C6: variants seen among roughly 807,000 people sequenced by gnomAD.
C6 encodes the protein complement C6.
A neutral mutation model predicts 112.9 loss-of-function variants in C6; 101 were observed. The ratio of observed to expected loss-of-function variants is 0.89; its 90% CI spans 0.76 to 1.06. The LOEUF (loss-of-function observed/expected upper bound fraction) is 1.06. Among genes scored for constraint, C6 ranks in the 50% least tolerant of loss-of-function variants. The pLI is 0.00. For missense variants in C6, 1,202 were observed against 1,104.6 expected (o/e 1.09, Z -1.25); for synonymous variants, 431 against 384.1 (o/e 1.12, Z -1.43).
At chr5:41,201,254 C>T (rs957952843) in intron 3 of C6, among the ~76,000 whole-genome samples, 2 of 152,078 alleles carry the variant, frequency 1.3e-5, no homozygotes, top group South Asian at 2.1e-4. Context: ...ATTACTCAAT[C>T]TGTATACACT....
rs765693862 is a variant in C6 at position 41,186,136 on chromosome 5, A to G, written c.660T>C (p.Thr220=). The G allele has an allele frequency of 1.2e-5, 20 of 1,613,888 alleles. No homozygotes were observed. The highest frequency in any genetic ancestry group is 1.4e-5 in the Non-Finnish European group (17 of 1,179,946). ...GATTACTTGTCCTACTGCTTTTGAC[A>G]GTTTTACATATTCCTCCAGTGAAAG... is the stretch of plus-strand genomic sequence containing the variant. The part of the protein sequence containing the change: ...DNSFTGGICK[T]VKSSRTSNPY... Residue 220 remains threonine (T), a synonymous_variant, in exon 6 of 18, where the codon ACT becomes ACC. Coordinates refer to ENST00000337836, the MANE Select transcript of C6 (RefSeq NM_000065.5).
At chr5:41,232,871 A>G (rs1292376119) in intron 1 of C6, among the ~76,000 whole-genome samples, 2 of 151,786 alleles carry the variant, frequency 1.3e-5, no homozygotes, top group African/African-American at 4.8e-5. Context: ...TAGCATTTAT[A>G]TCTCTCATTA....
chr5:41,195,285 A>G (rs538682301), intron 5 of C6, among the ~76,000 whole-genome samples: 2 of 151,786 alleles, frequency 1.3e-5, no homozygotes, highest in Admixed American at 1.3e-4. Context: ...TTTATCGCTC[A>G]TTATTTGACT....
chr5:41,196,011 C>G (rs76997076), intron 4 of C6, 78 bp from the exon 5 acceptor site: 1 of 1,533,150 alleles, frequency 6.5e-7, no homozygotes, highest in Non-Finnish European at 8.9e-7. Context: ...AACTCAAATG[C>G]TTTAAATTTC....
chr5:41,156,676 G>T (rs904440654), intron 13 of C6, among the ~76,000 whole-genome samples: 4 of 152,144 alleles, frequency 2.6e-5, no homozygotes, highest in Non-Finnish European at 1.5e-5. Context: ...TCTCCTAGAA[G>T]ATTCTTAATT....
rs757845909 is a variant in C6 at position 41,149,421 on chromosome 5, C to T, written c.2443G>A (p.Ala815Thr). 41 of 1,613,970 alleles carry T rather than the reference C, an allele frequency of 2.5e-5. No individual in the cohort carries two copies. The highest frequency in any genetic ancestry group is 1.3e-4 in the East Asian group (6 of 44,868). The change falls in exon 17 of 18, where the codon GCT (alanine) becomes ACT (threonine). Residue 815 changes from alanine to threonine, a missense_variant. By Grantham distance (58) the Ala-to-Thr change is moderately conservative. Transcript: ENST00000337836. Reference protein sequence around the residue: ...TDSNDYFTSPACKFLAEKCLN... With the variant: ...TDSNDYFTSPTCKFLAEKCLN... ...CATTTCTCAGCCAAAAACTTACAAG[C>T]GGGTGAAGTAAAGTAATCGTTGGAG...
upstream of C6, among the ~76,000 whole-genome samples, chr5:41,214,040 C>T (rs183176763): frequency 9.2e-5 from 14 of 152,126 alleles, no homozygotes; most frequent in Admixed American, 5.9e-4. Context: ...ATGATGATTA[C>T]GCTTCTCTGA....
At chr5:41,250,514 C>T (rs981683101) in intron 1 of C6, among the ~76,000 whole-genome samples, 2 of 152,144 alleles carry the variant, frequency 1.3e-5, no homozygotes, top group South Asian at 4.1e-4. Context: ...CATGTTGGGC[C>T]TAGTCAATGG....
intron 10 of C6, 54 bp downstream of exon 10, chr5:41,161,639 G>A (rs1368159900): frequency 1.3e-5 from 18 of 1,378,878 alleles, no homozygotes; most frequent in Non-Finnish European, 1.9e-5. Context: ...TGTGCAATTT[G>A]GGCTGCTAGA....
intron 1 of C6, among the ~76,000 whole-genome samples, chr5:41,223,183 G>T (rs913098508): frequency 1.3e-5 from 2 of 152,140 alleles, no homozygotes; most frequent in Non-Finnish European, 2.9e-5. Flanking sequence ...AGATTAACAG[G>T]TATTGTTACC....
chr5:41,163,505 G>A (rs536409633), intron 9 of C6, among the ~76,000 whole-genome samples: 44 of 152,044 alleles, frequency 2.9e-4, no homozygotes, highest in African/African-American at 9.6e-4. Context: ...TAGAGACAGG[G>A]TTTCACCACG....
At chr5:41,172,936 C>T (rs893009960) in intron 8 of C6, among the ~76,000 whole-genome samples, 4 of 152,170 alleles carry the variant, frequency 2.6e-5, no homozygotes, top group Non-Finnish European at 5.9e-5. Flanking sequence ...TTCACCTGCT[C>T]ACTCAGCCCC....
chr5:41,230,372 C>A lies in C6; in HGVS notation c.-20-27122G>T, dbSNP rs7715248. Among the ~76,000 whole-genome samples, 581 of 152,038 alleles carry A rather than the reference C, an allele frequency of 3.8e-3. 2 individuals are homozygous for A. The highest frequency in any genetic ancestry group is 0.012 in the African/African-American group (500 of 41,470). Reference sequence around the variant, plus strand: ...CAGCAAGGAATATTAATAATTAATACCCTGGGGAAGGATTGCATTCCTGGG... The same window carrying A: ...CAGCAAGGAATATTAATAATTAATAACCTGGGGAAGGATTGCATTCCTGGG... On this transcript the variant is annotated intron_variant, in intron 1 of 17. Transcript: ENST00000263413.
At chr5:41,200,853 T>A (rs1227909897) in intron 3 of C6, among the ~76,000 whole-genome samples, 1 of 149,768 alleles carries the variant, frequency 6.7e-6, no homozygotes, top group African/African-American at 2.5e-5. Flanking sequence ...TTTAAAATCT[T>A]GGACTGAAAC....
intron 9 of C6, among the ~76,000 whole-genome samples, chr5:41,168,230 A>G (rs1385583143): frequency 6.6e-6 from 1 of 152,178 alleles, no homozygotes; most frequent in Non-Finnish European, 1.5e-5. Context: ...CAGGAGATGA[A>G]AAATGGATTT....
At chr5:41,206,497 C>T (rs1187327317) in intron 1 of C6, among the ~76,000 whole-genome samples, 1 of 152,224 alleles carries the variant, frequency 6.6e-6, no homozygotes, top group Admixed American at 6.5e-5. Context: ...AGACAAATGG[C>T]TAACTAGAAT....
chr5:41,209,076 C>A (rs1751679119), intron 1 of C6, among the ~76,000 whole-genome samples: 1 of 152,210 alleles, frequency 6.6e-6, no homozygotes, highest in Non-Finnish European at 1.5e-5. Context: ...TTACCCAAAT[C>A]AATAAATGTA....
At chr5:41,199,112 A>G (rs1750820720) in intron 4 of C6, among the ~76,000 whole-genome samples, 1 of 152,144 alleles carries the variant, frequency 6.6e-6, no homozygotes. Flanking sequence ...AGAGGGGAAA[A>G]CTTGGGTTCC....
chr5:41,234,364 G>GTTTTT (rs70988840), intron 1 of C6, among the ~76,000 whole-genome samples: 3 of 123,002 alleles, frequency 2.4e-5, no homozygotes, highest in African/African-American at 5.8e-5. Flanking sequence ...TTTGTTTTTT[G>GTTTTT]TTTTTTTTTT....
Sources: gnomAD v4.1 joint callset for allele counts (sites outside exome capture counted in the v4.1 genomes callset) on GRCh38, gnomAD v4.1.1 for gene constraint, MANE v1.5 for transcripts, NCBI Gene and HGNC (gene_info 2026-07-23, HGNC 2026-07-21) for gene names.